The following EXOC6B variants were observed in gnomAD, a reference collection of about 807,000 sequenced individuals.
EXOC6B encodes exocyst complex component 6B, also known as SEC15 homolog B.
A neutral mutation model predicts 113.5 loss-of-function variants in EXOC6B; 54 were observed. The ratio of observed to expected loss-of-function variants is 0.48; its 90% confidence interval spans 0.38 to 0.60. The LOEUF is 0.60. EXOC6B is among the 20% of genes least tolerant of loss of function. The pLI, the probability that EXOC6B is intolerant of heterozygous loss-of-function variation, is 0.00. For missense variants in EXOC6B, 797 were observed against 977.5 expected, an observed-to-expected ratio of 0.82 and a Z score of 2.46; for synonymous variants, 357 against 339.0, an observed-to-expected ratio of 1.05 and a Z score of -0.58.
chr2:72,236,802 C>G (rs544355470), intron 20 of EXOC6B, among the ~76,000 whole-genome samples: 1 of 152,054 alleles, frequency 6.6e-6, no homozygotes, highest in East Asian at 1.9e-4. Context: ...ATTCAGGGGA[C>G]CATGGGCAGT....
intron 6 of EXOC6B, among the ~76,000 whole-genome samples, chr2:72,652,232 T>C (rs1390910366): frequency 6.7e-6 from 1 of 149,644 alleles, no homozygotes; most frequent in South Asian, 2.1e-4. Flanking sequence ...ATAAACACAG[T>C]AGCAGGAACG....
intron 19 of EXOC6B, among the ~76,000 whole-genome samples, chr2:72,357,783 C>G (rs2104969412): frequency 6.6e-6 from 1 of 152,180 alleles, no homozygotes; most frequent in Non-Finnish European, 1.5e-5. Flanking sequence ...ATTACCGCTT[C>G]TGTTTAGACA....
intron 6 of EXOC6B, among the ~76,000 whole-genome samples, chr2:72,593,500 T>C (rs1402865148): frequency 6.6e-6 from 1 of 152,190 alleles, no homozygotes; most frequent in Non-Finnish European, 1.5e-5. Flanking sequence ...ATTATAGAAT[T>C]GCTTTTTGTA....
intron 1 of EXOC6B, among the ~76,000 whole-genome samples, chr2:72,795,612 A>C (rs1374173650): frequency 2.6e-5 from 4 of 152,128 alleles, no homozygotes; most frequent in Non-Finnish European, 5.9e-5. Context: ...AAACAAGTGA[A>C]TGACAAAAAA....
rs1015246367 is a variant in EXOC6B, at chr2:72,510,022, C to T, written c.1167+3110G>A. Among the ~76,000 whole-genome samples, 9 of 151,926 alleles carry T rather than the reference C, an allele frequency of 5.9e-5. No homozygotes were observed. In the South Asian group the frequency reaches 1.5e-3, roughly 25 times the overall value. On this transcript the variant is annotated intron_variant, in intron 11 of 21. Transcript: ENST00000272427. ...CTAATTTTTGTGTTTTTAGTAGAGACGGGGTTTCACCATGTTGGCCAGACT... is the reference window on the plus strand; with the variant it reads ...CTAATTTTTGTGTTTTTAGTAGAGATGGGGTTTCACCATGTTGGCCAGACT...
intron 6 of EXOC6B, among the ~76,000 whole-genome samples, chr2:72,630,950 T>C (rs1464256217): frequency 2.0e-5 from 3 of 152,160 alleles, no homozygotes; most frequent in East Asian, 1.9e-4. Flanking sequence ...ATTGGCACTA[T>C]ATCAAATCAC....
intron 16 of EXOC6B, among the ~76,000 whole-genome samples, chr2:72,483,671 T>C (rs866270834): frequency 6.6e-6 from 1 of 152,352 alleles, no homozygotes; most frequent in Middle Eastern, 3.4e-3. Flanking sequence ...GAGAATATTG[T>C]CTGTTAACGA....
At chr2:72,309,059 TGAGA>T (rs149093469) in intron 20 of EXOC6B, among the ~76,000 whole-genome samples, 1 of 152,248 alleles carries the variant, frequency 6.6e-6, no homozygotes, top group East Asian at 1.9e-4. Flanking sequence ...AGCAGAATTA[TGAGA>T]GAGGAAAAGA....
intron 8 of EXOC6B, among the ~76,000 whole-genome samples, chr2:72,543,277 G>A (rs553083721): frequency 4.4e-4 from 67 of 152,144 alleles, no homozygotes; most frequent in Non-Finnish European, 6.8e-4. Flanking sequence ...AGAAAAATGG[G>A]AAACAAATAT....
chr2:72,484,139 TTTC>T (rs1230111301), intron 16 of EXOC6B, among the ~76,000 whole-genome samples: 9 of 151,510 alleles, frequency 5.9e-5, no homozygotes, highest in African/African-American at 1.9e-4. Context: ...TTGGAGGTAA[TTTC>T]TTTTTTTTTT....
chr2:72,234,329 T>A (rs1184466548), intron 20 of EXOC6B, among the ~76,000 whole-genome samples: 1 of 152,084 alleles, frequency 6.6e-6, no homozygotes, highest in Non-Finnish European at 1.5e-5. Context: ...GTGATCCACC[T>A]GCCTCAGCCT....
At chr2:72,628,342 T>C (rs1400756416) in intron 6 of EXOC6B, among the ~76,000 whole-genome samples, 2 of 151,648 alleles carry the variant, frequency 1.3e-5, no homozygotes, top group Non-Finnish European at 2.9e-5. Flanking sequence ...TTGCTCATAC[T>C]GGTCTCGAAC....
chr2:72,658,283 T>C (rs1430352318), intron 6 of EXOC6B, among the ~76,000 whole-genome samples: 1 of 3,638 alleles, frequency 2.7e-4, no homozygotes, highest in Admixed American at 3.0e-3. Flanking sequence ...AACTAAAAAC[T>C]AGTAAAAAAA....
chr2:72,673,193 G>A (rs2104509918), intron 6 of EXOC6B, among the ~76,000 whole-genome samples: 1 of 152,120 alleles, frequency 6.6e-6, no homozygotes, highest in African/African-American at 2.4e-5. Flanking sequence ...GACTCTCAAG[G>A]CCTACATTAG....
chr2:72,434,079 T>C (rs1006766803), intron 18 of EXOC6B, among the ~76,000 whole-genome samples: 9 of 152,334 alleles, frequency 5.9e-5, no homozygotes, highest in Middle Eastern at 3.4e-3. Context: ...ATATGTTCCA[T>C]CAACACCTAG....
At chr2:72,608,550 T>A (rs550592543) in intron 6 of EXOC6B, among the ~76,000 whole-genome samples, 5 of 152,186 alleles carry the variant, frequency 3.3e-5, no homozygotes, top group African/African-American at 1.2e-4. Context: ...AAACCAAAGA[T>A]TCTTTACAAT....
chr2:72,395,295 C>G (rs925056564), intron 18 of EXOC6B, among the ~76,000 whole-genome samples: 2 of 152,092 alleles, frequency 1.3e-5, no homozygotes, highest in Non-Finnish European at 2.9e-5. Flanking sequence ...ATGGTAGACG[C>G]CTGACTGTCT....
At chr2:72,706,530 C>T (rs1678891733) in intron 6 of EXOC6B, among the ~76,000 whole-genome samples, 1 of 152,144 alleles carries the variant, frequency 6.6e-6, no homozygotes, top group South Asian at 2.1e-4. Context: ...TGCCACTACA[C>T]CCAGATAATA....
At chr2:72,425,025 C>T (rs926029141) in intron 18 of EXOC6B, among the ~76,000 whole-genome samples, 2 of 152,064 alleles carry the variant, frequency 1.3e-5, no homozygotes, top group African/African-American at 4.8e-5. Context: ...GTGTATGTTG[C>T]TCTCCTCTAT....
Sources: gnomAD v4.1 joint callset for allele counts (sites outside exome capture counted in the v4.1 genomes callset) on GRCh38, gnomAD v4.1.1 for gene constraint, MANE v1.5 for transcripts, NCBI Gene and HGNC (gene_info 2026-07-23, HGNC 2026-07-21) for gene names.